The following LVRN variants were observed in gnomAD, a reference collection of about 807,000 sequenced individuals.
The protein encoded by LVRN is laeverin.
LVRN carries 99 observed loss-of-function variants against 111.4 expected under a neutral mutation model. The ratio of observed to expected loss-of-function variants is 0.89; its 90% confidence interval spans 0.76 to 1.05. LVRN has a LOEUF of 1.05. Among genes scored for constraint, LVRN ranks in the 50% least tolerant of loss-of-function variants. The pLI, the probability that LVRN is intolerant of heterozygous loss-of-function variation, is 0.00. For synonymous variants in LVRN, 488 were observed against 449.5 expected (o/e 1.09, Z -1.08); for missense variants, 1,414 against 1,206.8 (o/e 1.17, Z -2.54).
chr5:115,977,838 C>T (rs1753480090), intron 1 of LVRN, among the ~76,000 whole-genome samples: 1 of 152,130 alleles, frequency 6.6e-6, no homozygotes, highest in Non-Finnish European at 1.5e-5. Context: ...CTCATACACT[C>T]CCACTTTTGT....
intron 15 of LVRN, among the ~76,000 whole-genome samples, chr5:116,013,249 T>C (rs187157574): frequency 6.6e-6 from 1 of 152,312 alleles, no homozygotes; most frequent in East Asian, 1.9e-4. Flanking sequence ...GCAGAAATTT[T>C]AGTGCTAAGG....
intron 6 of LVRN, among the ~76,000 whole-genome samples, chr5:115,997,319 A>G (rs1171905848): frequency 6.6e-6 from 1 of 152,130 alleles, no homozygotes; most frequent in Non-Finnish European, 1.5e-5. Context: ...AATCATCATG[A>G]TATTCTATAC....
intron 1 of LVRN, chr5:115,975,363 A>G (rs1405066967): frequency 4.3e-6 from 1 of 231,150 alleles, no homozygotes; most frequent in African/African-American, 2.4e-5. Context: ...CACCTTTCCT[A>G]AGGTCTTCTA....
intron 1 of LVRN, among the ~76,000 whole-genome samples, chr5:115,973,187 C>G (rs1753363938): frequency 6.6e-6 from 1 of 152,200 alleles, no homozygotes; most frequent in South Asian, 2.1e-4. Flanking sequence ...CCCTTGGCCT[C>G]CCAAAGTGTT....
rs866580673 is a variant in LVRN at position 116,026,018 on chromosome 5, G to T, written c.2873G>T (p.Arg958Met). The part of the protein sequence containing the change: ...FFSNMLEEHQ[R>M]IRVHANLQTI... ...AGTAACATGTTGGAGGAACACCAGA[G>T]GATCAGAGTTCATGCCAACTTACAG... Residue 958 changes from arginine (R) to methionine (M), a missense_variant, in exon 20 of 20, where the codon AGG becomes ATG. Transcript: ENST00000357872. The T allele has an allele frequency of 1.2e-6, 2 of 1,613,736 alleles. No homozygotes were observed. Among genetic ancestry groups the T allele is most frequent in the Non-Finnish European group, 1.7e-6 (2 of 1,179,866 alleles).
chr5:116,010,821 C>T lies in LVRN; in HGVS notation c.2174C>T (p.Thr725Ile). The change falls in exon 14 of 20, where the codon ACA becomes ATA. Residue 725 changes from threonine to isoleucine, a missense_variant. Coordinates refer to ENST00000357872, the MANE Select transcript of LVRN (RefSeq NM_173800.5). ...AEEDEIIVWH[T>I]VLVNLVTRDL... ...GAAGATGAAATTATAGTATGGCATACAGTCTTGGTAAACTTGGTAACCAGG... is the reference window on the plus strand; with the variant it reads ...GAAGATGAAATTATAGTATGGCATATAGTCTTGGTAAACTTGGTAACCAGG... 1 of 1,612,366 alleles carries T rather than the reference C, an allele frequency of 6.2e-7. No individual in the cohort carries two copies. The highest frequency in any genetic ancestry group is 1.7e-5 in the Admixed American group (1 of 59,844).
chr5:115,985,056 T>C (rs1007518531), intron 3 of LVRN, among the ~76,000 whole-genome samples: 4 of 152,182 alleles, frequency 2.6e-5, no homozygotes, highest in African/African-American at 9.7e-5. Flanking sequence ...ATGTGATGTG[T>C]ACTTAGCCCA....
chr5:115,973,030 G>A (rs1457381562), intron 1 of LVRN, among the ~76,000 whole-genome samples: 1 of 151,930 alleles, frequency 6.6e-6, no homozygotes, highest in Non-Finnish European at 1.5e-5. Flanking sequence ...CAGGGCTCAG[G>A]TGATTCTCCC....
chr5:115,976,855 T>G (rs530664554), intron 1 of LVRN, among the ~76,000 whole-genome samples: 1 of 152,330 alleles, frequency 6.6e-6, no homozygotes, highest in East Asian at 1.9e-4. Flanking sequence ...AGTTACTTGG[T>G]GATCCTGTTG....
chr5:115,993,825 A>G lies in LVRN; in HGVS notation c.1345A>G (p.Ile449Val), dbSNP rs1215752506. Reference protein sequence around the residue: ...GFASYFEFEVINYFNPKLPRN... With the variant: ...GFASYFEFEVVNYFNPKLPRN... ...TGCATCTTATTTTGAGTTTGAAGTA[A>G]TTAACTACTTTAATCCTAAACTCCC... Residue 449 changes from isoleucine (I) to valine (V), a missense_variant, in exon 6 of 20, where the codon ATT (isoleucine) becomes GTT (valine). Coordinates refer to ENST00000357872, the MANE Select transcript of LVRN (RefSeq NM_173800.5). The G allele has an allele frequency of 1.7e-5, 27 of 1,605,808 alleles. No individual in the cohort carries two copies. The highest frequency in any genetic ancestry group is 2.2e-5 in the Non-Finnish European group (26 of 1,175,498).
rs544396538 is a variant in LVRN at position 116,012,249 on chromosome 5, G to A, written c.2248-125G>A. On this transcript the variant is annotated intron_variant, in intron 14 of 19. Transcript: ENST00000357872. ...GTTATATATTTAGTAACAGATAAAG[G>A]TAATTTCTGAAGAAATATCTGCCAC... 4.9e-6 allele frequency: 3 copies of A among 607,122 alleles called. No homozygotes were observed. In the South Asian group the frequency reaches 5.3e-5, roughly 11 times the overall value. The allele number at this position is 607,122 out of a possible 1,614,324, so 37.6% of individuals were successfully genotyped here.
At chr5:116,013,437 G>T (rs1231883549) in intron 15 of LVRN, among the ~76,000 whole-genome samples, 1 of 152,148 alleles carries the variant, frequency 6.6e-6, no homozygotes, top group Non-Finnish European at 1.5e-5. Flanking sequence ...TTGGACTGAA[G>T]TAGCCTACTT....
In LVRN at chr5:116,003,390, C is replaced by T; in HGVS notation, c.2037+10C>T. The T allele has an allele frequency of 2.2e-6, 3 of 1,350,950 alleles. No homozygotes were observed. Among genetic ancestry groups the T allele is most frequent in the Middle Eastern group, 2.3e-4 (1 of 4,378 alleles). 83.7% of individuals were successfully genotyped at this position (1,350,950 alleles called of 1,614,324 possible). A position where few individuals can be genotyped will look rare whatever the true frequency, so the allele number is the denominator to read the frequency against. ...TGAAAAGGATCCTAAGGTAAGGTTA[C>T]TTTTGATACTTTTAATTAAATATAA... On this transcript the variant is annotated intron_variant, in intron 12 of 19. Coordinates refer to ENST00000357872, the MANE Select transcript of LVRN (RefSeq NM_173800.5).
intron 12 of LVRN, 196 bp from the exon 13 acceptor site, chr5:116,005,716 C>A: frequency 4.6e-6 from 3 of 652,266 alleles, no homozygotes; most frequent in South Asian, 4.6e-5. Context: ...CCAGAGGGTT[C>A]ATTTATTTCA....
Position 116,003,283 on chromosome 5 carries a change from G to C in LVRN, c.1940G>C (p.Trp647Ser). 1.3e-6 allele frequency: 2 copies of C among 1,581,084 alleles called. No individual in the cohort carries two copies. The highest frequency in any genetic ancestry group is 1.7e-6 in the Non-Finnish European group (2 of 1,162,020). ...EMQVSDSDHD[W>S]VILNLNMTGY... ...CAAGTTTCAGATTCTGACCATGACT[G>C]GGTGATTTTGAATTTGAATATGACT... Residue 647 changes from tryptophan to serine, a missense_variant, in exon 12 of 20, where the codon TGG becomes TCG. Transcript: ENST00000357872.
rs553091986 is a variant in LVRN, at chr5:116,026,255, T to C, written c.*137T>C. On this transcript the variant is annotated 3_prime_UTR_variant, in exon 20 of 20. Transcript: ENST00000357872. Reference sequence around the variant, plus strand: ...GTCACATTTATTACTCAGAGTGCCATTCTTCTCATATTGTCATGTTTGGCC... The same window carrying C: ...GTCACATTTATTACTCAGAGTGCCACTCTTCTCATATTGTCATGTTTGGCC... The C allele has an allele frequency of 1.2e-5, 16 of 1,302,884 alleles. No individual in the cohort carries two copies. In the South Asian group the frequency reaches 1.6e-4, roughly 13 times the overall value. The allele number at this position is 1,302,884 out of a possible 1,614,324, so 80.7% of individuals were successfully genotyped here.
chr5:115,982,062 G>A (rs1475382489), intron 1 of LVRN, among the ~76,000 whole-genome samples: 1 of 152,172 alleles, frequency 6.6e-6, no homozygotes, highest in African/African-American at 2.4e-5. Context: ...TGGTGCCAGA[G>A]CCCACAGGGC....
At chr5:116,020,745 G>A (rs4385242) in intron 18 of LVRN, among the ~76,000 whole-genome samples, 7,213 of 152,230 alleles carry the variant, frequency 0.047, 260 homozygotes, top group South Asian at 0.14. Flanking sequence ...GGCCTCGTGG[G>A]CATCCTTGCC....
intron 12 of LVRN, among the ~76,000 whole-genome samples, chr5:116,003,749 T>C (rs957629323): frequency 6.6e-6 from 1 of 151,926 alleles, no homozygotes; most frequent in African/African-American, 2.4e-5. Flanking sequence ...GCCCGGCTAA[T>C]TTTTTGTATT....
Sources: allele counts gnomAD v4.1 joint callset (sites outside exome capture counted in the v4.1 genomes callset), GRCh38; gene constraint gnomAD v4.1.1; transcripts MANE v1.5; gene names NCBI Gene and HGNC (gene_info 2026-07-23, HGNC 2026-07-21).